Variants in PTPRD observed in about 807,000 individuals in gnomAD.
PTPRD encodes the protein protein tyrosine phosphatase receptor type D, also known as receptor-type tyrosine-protein phosphatase delta.
A neutral mutation model predicts 214.5 loss-of-function variants in PTPRD; 34 were observed. The ratio of observed to expected loss-of-function variants is 0.16; its 90% confidence interval spans 0.12 to 0.21. The LOEUF (loss-of-function observed/expected upper bound fraction) is 0.21, where lower values mean the gene tolerates loss of function less well. PTPRD is among the 10% of genes least tolerant of loss of function. PTPRD has a pLI of 1.00. For missense variants in PTPRD, 2,545 were observed against 2,398.7 expected (o/e 1.06, Z -1.27); for synonymous variants, 1,128 against 845.7 (o/e 1.33, Z -5.79).
At chr9:10,218,545 CAA>C (rs1351908133) in intron 3 of PTPRD, among the ~76,000 whole-genome samples, 1 of 151,812 alleles carries the variant, frequency 6.6e-6, no homozygotes, top group African/African-American at 2.4e-5. Flanking sequence ...TTTTTATGAG[CAA>C]AGTCACCTAC....
chr9:9,092,364 C>G (rs2099777470), intron 10 of PTPRD, among the ~76,000 whole-genome samples: 1 of 152,044 alleles, frequency 6.6e-6, no homozygotes, highest in African/African-American at 2.4e-5. Flanking sequence ...TCTTCTTCAA[C>G]TGATTCATAT....
intron 3 of PTPRD, among the ~76,000 whole-genome samples, chr9:10,260,056 T>C (rs1297543943): frequency 1.3e-5 from 2 of 152,214 alleles, no homozygotes; most frequent in Non-Finnish European, 2.9e-5. Flanking sequence ...CAGGCCTCAT[T>C]TTGAAGCTCC....
At chr9:9,648,477 G>A (rs1443267246) in intron 7 of PTPRD, among the ~76,000 whole-genome samples, 1 of 152,180 alleles carries the variant, frequency 6.6e-6, no homozygotes, top group African/African-American at 2.4e-5. Context: ...ATAAAGATTT[G>A]ATGTTTCTGA....
intron 8 of PTPRD, among the ~76,000 whole-genome samples, chr9:9,472,389 G>C (rs908656187): frequency 5.9e-5 from 9 of 151,518 alleles, no homozygotes; most frequent in Admixed American, 3.3e-4. Flanking sequence ...ATTTTTAGTA[G>C]AGACGGGGTT....
intron 11 of PTPRD, among the ~76,000 whole-genome samples, chr9:8,837,284 G>C (rs1311527594): frequency 6.8e-6 from 1 of 148,030 alleles, no homozygotes; most frequent in African/African-American, 2.5e-5. Flanking sequence ...CGAAGTGCTG[G>C]GATTACAGGC....
At chr9:9,608,278 A>G (rs1002005920) in intron 7 of PTPRD, among the ~76,000 whole-genome samples, 5 of 152,160 alleles carry the variant, frequency 3.3e-5, no homozygotes, top group African/African-American at 1.2e-4. Flanking sequence ...TTACATTAGT[A>G]TCATTTTTGA....
At chr9:9,261,340 A>C (rs1416343136) in intron 9 of PTPRD, among the ~76,000 whole-genome samples, 2 of 151,830 alleles carry the variant, frequency 1.3e-5, no homozygotes, top group Non-Finnish European at 2.9e-5. Context: ...CAAAGGATCT[A>C]ATTTCTTTTA....
chr9:8,485,984 C>T lies in PTPRD; in HGVS notation c.2833G>A (p.Ala945Thr), dbSNP rs2135934277. ...TTGGTGATAATGCCATTTCTCTCTG[C>T]CAGGACAGGTGGTTGCCAAGATAAC... ...VQLSWQPPVL[A>T]ERNGIITKYT... Residue 945 changes from alanine (A) to threonine (T), a missense_variant, in exon 28 of 46, where the codon GCA (alanine) becomes ACA (threonine). By Grantham distance (58) the Ala-to-Thr change is moderately conservative. Coordinates refer to ENST00000381196, the MANE Select transcript of PTPRD (RefSeq NM_002839.4). 1.2e-6 allele frequency: 2 copies of T among 1,614,132 alleles called. No homozygotes were observed. The highest frequency in any genetic ancestry group is 1.7e-6 in the Non-Finnish European group (2 of 1,180,020).
chr9:8,543,910 C>T (rs572845637), intron 14 of PTPRD, among the ~76,000 whole-genome samples: 88 of 152,186 alleles, frequency 5.8e-4, no homozygotes, highest in South Asian at 3.7e-3. Flanking sequence ...CGGGGTTTCA[C>T]CATATTGGCC....
intron 2 of PTPRD, among the ~76,000 whole-genome samples, chr9:10,530,851 G>C (rs1184146600): frequency 6.6e-6 from 1 of 152,010 alleles, no homozygotes; most frequent in Non-Finnish European, 1.5e-5. Flanking sequence ...CCTCACAGCA[G>C]ACTACCACTG....
intron 14 of PTPRD, among the ~76,000 whole-genome samples, chr9:8,559,738 G>A (rs2085414841): frequency 6.6e-6 from 1 of 152,194 alleles, no homozygotes; most frequent in Admixed American, 6.5e-5. Flanking sequence ...TGACACCTGT[G>A]TTGATTGCTT....
At chr9:9,695,757 T>A (rs991550590) in intron 7 of PTPRD, among the ~76,000 whole-genome samples, 1 of 152,178 alleles carries the variant, frequency 6.6e-6, no homozygotes, top group Non-Finnish European at 1.5e-5. Context: ...TCCTATATGA[T>A]CATGGTGATA....
At chr9:10,482,244 G>A (rs1029575610) in intron 2 of PTPRD, among the ~76,000 whole-genome samples, 29 of 151,916 alleles carry the variant, frequency 1.9e-4, no homozygotes, top group East Asian at 7.8e-4. Flanking sequence ...GGTGGCGGGT[G>A]CCTGTAGTCC....
At chr9:10,331,415 C>T (rs1053189500) in intron 3 of PTPRD, among the ~76,000 whole-genome samples, 6 of 151,838 alleles carry the variant, frequency 4.0e-5, no homozygotes, top group Non-Finnish European at 8.8e-5. Context: ...CATCTGAAAG[C>T]CCAGACACTG....
At chr9:10,041,719 C>A (rs1302338355) in intron 3 of PTPRD, among the ~76,000 whole-genome samples, 1 of 151,902 alleles carries the variant, frequency 6.6e-6, no homozygotes, top group Non-Finnish European at 1.5e-5. Flanking sequence ...ATTTTCTTTG[C>A]ACAATCATAT....
intron 9 of PTPRD, among the ~76,000 whole-genome samples, chr9:9,300,980 C>T (rs561987768): frequency 6.6e-6 from 1 of 151,836 alleles, no homozygotes; most frequent in Non-Finnish European, 1.5e-5. Context: ...AGAGTGTGAA[C>T]TCACCAAAGC....
chr9:9,352,371 G>GTATA (rs71308859), intron 9 of PTPRD, among the ~76,000 whole-genome samples: 78 of 147,644 alleles, frequency 5.3e-4, no homozygotes, highest in Admixed American at 1.4e-3. Flanking sequence ...GTGTGTGTGT[G>GTATA]TATATATATA....
chr9:10,554,102 C>G (rs1182518168), intron 2 of PTPRD, among the ~76,000 whole-genome samples: 2 of 152,124 alleles, frequency 1.3e-5, no homozygotes, highest in Non-Finnish European at 2.9e-5. Context: ...ATGTCCATCC[C>G]AAATCTACTG....
At chr9:10,050,301 T>C (rs2097505397) in intron 3 of PTPRD, among the ~76,000 whole-genome samples, 1 of 151,658 alleles carries the variant, frequency 6.6e-6, no homozygotes, top group South Asian at 2.1e-4. Context: ...TGGCTCACCC[T>C]GTAATCCTAG....
Sources: gnomAD v4.1 joint callset for allele counts (sites outside exome capture counted in the v4.1 genomes callset) on GRCh38, gnomAD v4.1.1 for gene constraint, MANE v1.5 for transcripts, NCBI Gene and HGNC (gene_info 2026-07-23, HGNC 2026-07-21) for gene names.